Variants in GPC5 observed in about 807,000 individuals in gnomAD.
GPC5 encodes glypican-5.
A neutral mutation model predicts 53.9 loss-of-function variants in GPC5; 47 were observed. The ratio of observed to expected loss-of-function variants is 0.87; its 90% CI spans 0.69 to 1.11. The LOEUF (loss-of-function observed/expected upper bound fraction) is 1.11. GPC5 is among the 50% of genes most tolerant of loss of function. The pLI, the probability that GPC5 is intolerant of heterozygous loss-of-function variation, is 0.00. For missense variants in GPC5, 748 were observed against 713.1 expected (o/e 1.05, Z -0.56); for synonymous variants, 286 against 263.3 (o/e 1.09, Z -0.84).
At chr13:92,296,698 G>A (rs539354902) in intron 7 of GPC5, among the ~76,000 whole-genome samples, 77 of 152,302 alleles carry the variant, frequency 5.1e-4, no homozygotes, top group African/African-American at 1.7e-3. Context: ...GGCTGCGTGC[G>A]GCGCTTGCGG....
At chr13:91,650,772 T>TTTTTTTTTTTTTTTTTTTTTTTC (rs2034687788) in intron 2 of GPC5, among the ~76,000 whole-genome samples, 1 of 127,004 alleles carries the variant, frequency 7.9e-6, no homozygotes, top group Non-Finnish European at 1.7e-5. Flanking sequence ...TTTTTTTTTT[T>TTTTTTTTTTTTTTTTTTTTTTTC]AGCACAGAAG....
At chr13:92,433,122 T>C (rs1331662235) in intron 7 of GPC5, among the ~76,000 whole-genome samples, 1 of 152,056 alleles carries the variant, frequency 6.6e-6, no homozygotes, top group East Asian at 1.9e-4. Context: ...CTGATGGAAA[T>C]GAACCACAGA....
chr13:91,796,388 C>T lies in GPC5; in HGVS notation c.1280+39968C>T, dbSNP rs539651717. ...GACAGCAATCAGCAGTGGTGGACAG[C>T]GAGCCAAAGCTCAGCTTGAGCTGGA... On this transcript the variant is annotated intron_variant, in intron 5 of 7. Transcript: ENST00000377067. Among the ~76,000 whole-genome samples, 196 of 152,186 alleles carry T rather than the reference C, an allele frequency of 1.3e-3. 2 individuals carry two copies. Among genetic ancestry groups the T allele is most frequent in the Non-Finnish European group, 2.2e-3 (151 of 68,010 alleles).
chr13:91,868,518 A>G (rs865938627), intron 5 of GPC5, among the ~76,000 whole-genome samples: 3 of 152,106 alleles, frequency 2.0e-5, no homozygotes, highest in South Asian at 4.1e-4. Flanking sequence ...CAGACTGGGT[A>G]ATATAGCAAA....
intron 2 of GPC5, among the ~76,000 whole-genome samples, chr13:91,600,348 A>AGTGTGT (rs1188484947): frequency 6.3e-5 from 6 of 95,178 alleles, no homozygotes; most frequent in African/African-American, 1.5e-4. Context: ...AGAGAGAGAG[A>AGTGTGT]GTGTGTGTGT....
At chr13:92,033,629 C>T (rs969213457) in intron 6 of GPC5, among the ~76,000 whole-genome samples, 2 of 152,118 alleles carry the variant, frequency 1.3e-5, no homozygotes, top group African/African-American at 4.8e-5. Flanking sequence ...AGGGTTTTTT[C>T]CCTCTCCCCC....
intron 7 of GPC5, among the ~76,000 whole-genome samples, chr13:92,586,269 T>C (rs926842625): frequency 5.9e-5 from 9 of 152,196 alleles, no homozygotes; most frequent in African/African-American, 7.2e-5. Flanking sequence ...TGAATTCTCA[T>C]AGGTGAGGCT....
chr13:92,866,241 G>A (rs747702886), intron 7 of GPC5, 41 bp from the exon 8 acceptor site: 2 of 1,561,732 alleles, frequency 1.3e-6, no homozygotes, highest in Non-Finnish European at 8.7e-7. Context: ...TTATGGTGAA[G>A]TGGTCATGCA....
At chr13:92,810,258 G>T (rs1743486357) in intron 7 of GPC5, among the ~76,000 whole-genome samples, 1 of 150,700 alleles carries the variant, frequency 6.6e-6, no homozygotes, top group Non-Finnish European at 1.5e-5. Context: ...ATCATCTTCA[G>T]TTATTAGAAA....
At chr13:92,409,046 ATAAT>A (rs1383931113) in intron 7 of GPC5, among the ~76,000 whole-genome samples, 6 of 152,092 alleles carry the variant, frequency 3.9e-5, no homozygotes, top group African/African-American at 9.7e-5. Context: ...ATATTAATAA[ATAAT>A]TTTAATAAAC....
chr13:91,622,396 T>C (rs1379327374), intron 2 of GPC5, among the ~76,000 whole-genome samples: 1 of 152,180 alleles, frequency 6.6e-6, no homozygotes, highest in Non-Finnish European at 1.5e-5. Flanking sequence ...ATGTCATTTC[T>C]ACTTCAGAGT....
chr13:91,844,687 C>T (rs1227055897), intron 5 of GPC5, among the ~76,000 whole-genome samples: 1 of 151,970 alleles, frequency 6.6e-6, no homozygotes, highest in African/African-American at 2.4e-5. Flanking sequence ...TTGGAATAAC[C>T]TTTGATCCTT....
chr13:92,602,384 C>T (rs1034174505), intron 7 of GPC5, among the ~76,000 whole-genome samples: 2 of 151,364 alleles, frequency 1.3e-5, no homozygotes, highest in Non-Finnish European at 1.5e-5. Flanking sequence ...TTTATTCCAA[C>T]TAGCTGTCTA....
intron 7 of GPC5, among the ~76,000 whole-genome samples, chr13:92,257,859 G>A (rs1354109114): frequency 6.6e-6 from 1 of 151,958 alleles, no homozygotes; most frequent in African/African-American, 2.4e-5. Context: ...CTACAGGGGT[G>A]TTTAGATAAG....
At chr13:92,226,927 A>G (rs756868127) in intron 7 of GPC5, among the ~76,000 whole-genome samples, 17 of 152,016 alleles carry the variant, frequency 1.1e-4, no homozygotes, top group South Asian at 2.1e-4. Flanking sequence ...AATAGAAGTA[A>G]CCCGTATGCT....
intron 7 of GPC5, among the ~76,000 whole-genome samples, chr13:92,254,809 T>C (rs1364057233): frequency 6.6e-6 from 1 of 152,006 alleles, no homozygotes; most frequent in Non-Finnish European, 1.5e-5. Context: ...CCACTCAGTA[T>C]CACAAGAACA....
intron 7 of GPC5, among the ~76,000 whole-genome samples, chr13:92,745,681 A>C (rs1412844899): frequency 6.6e-6 from 1 of 152,118 alleles, no homozygotes; most frequent in African/African-American, 2.4e-5. Flanking sequence ...TAAGGTTCTT[A>C]GCTCTTGGTA....
At chr13:91,532,833 C>A (rs983973258) in intron 2 of GPC5, among the ~76,000 whole-genome samples, 1 of 152,098 alleles carries the variant, frequency 6.6e-6, no homozygotes, top group African/African-American at 2.4e-5. Context: ...AAGATCACAC[C>A]ACTGCACTCC....
chr13:91,589,284 C>A (rs116450636), intron 2 of GPC5, among the ~76,000 whole-genome samples: 34 of 152,040 alleles, frequency 2.2e-4, no homozygotes, highest in African/African-American at 8.0e-4. Flanking sequence ...TTGTATATTT[C>A]TTGGGTTTCC....
Sources: allele counts gnomAD v4.1 joint callset (sites outside exome capture counted in the v4.1 genomes callset), GRCh38; gene constraint gnomAD v4.1.1; transcripts MANE v1.5; gene names NCBI Gene and HGNC (gene_info 2026-07-23, HGNC 2026-07-21).